METTL15: variants seen among roughly 807,000 people sequenced by gnomAD.
METTL15 encodes the protein methyltransferase 15, mitochondrial 12S rRNA N4-cytidine, also known as 12S rRNA N(4)-cytidine methyltransferase METTL15.
METTL15 carries 34 observed loss-of-function variants against 38.3 expected under a neutral mutation model. The observed-to-expected ratio is 0.89, with a 90% CI of 0.68 to 1.18. The LOEUF is 1.18. Ranked by LOEUF, METTL15 falls within the 50% of genes most tolerant of loss-of-function variation. The pLI is 0.00. For missense variants in METTL15, 438 were observed against 498.4 expected, an observed-to-expected ratio of 0.88 and a Z score of 1.15; for synonymous variants, 162 against 170.9, an observed-to-expected ratio of 0.95 and a Z score of 0.41.
chr11:28,129,472 C>A (rs529450474), intron 3 of METTL15, among the ~76,000 whole-genome samples: 1 of 151,362 alleles, frequency 6.6e-6, no homozygotes, highest in African/African-American at 2.4e-5. Context: ...TGCAGTGGCA[C>A]GATCTTGGCT....
intron 6 of METTL15, among the ~76,000 whole-genome samples, chr11:28,429,464 C>T (rs1179765671): frequency 7.5e-6 from 1 of 133,054 alleles, no homozygotes; most frequent in East Asian, 2.4e-4. Context: ...CTGCAACCTC[C>T]CTGCCTGATT....
At chr11:28,412,119 G>T (rs1439920928) in intron 5 of METTL15, among the ~76,000 whole-genome samples, 1 of 152,008 alleles carries the variant, frequency 6.6e-6, no homozygotes, top group Non-Finnish European at 1.5e-5. Flanking sequence ...TATGGAGAAA[G>T]GGGAACTGTA....
At chr11:28,132,977 G>T (rs1849388480) in intron 3 of METTL15, among the ~76,000 whole-genome samples, 2 of 152,044 alleles carry the variant, frequency 1.3e-5, no homozygotes, top group African/African-American at 4.8e-5. Flanking sequence ...AAACATATTA[G>T]AATTATGATG....
intron 6 of METTL15, among the ~76,000 whole-genome samples, chr11:28,501,663 T>G (rs1434118742): frequency 6.6e-6 from 1 of 152,162 alleles, no homozygotes. Flanking sequence ...TTTTGCCAGC[T>G]GCAAACTTCA....
intron 4 of METTL15, among the ~76,000 whole-genome samples, chr11:28,265,906 C>T (rs1292515427): frequency 6.6e-6 from 1 of 152,208 alleles, no homozygotes; most frequent in Non-Finnish European, 1.5e-5. Flanking sequence ...TGGTGTGCTG[C>T]ACCCATCAAC....
intron 4 of METTL15, among the ~76,000 whole-genome samples, chr11:28,229,909 C>A (rs988226580): frequency 4.6e-5 from 7 of 151,988 alleles, no homozygotes; most frequent in African/African-American, 1.7e-4. Flanking sequence ...ATAAAAATAA[C>A]TAATATCATA....
At chr11:28,246,886 A>T (rs1353081906) in intron 4 of METTL15, among the ~76,000 whole-genome samples, 1 of 152,146 alleles carries the variant, frequency 6.6e-6, no homozygotes. Context: ...GAGGAACTAA[A>T]TTCTAAATTT....
At chr11:28,407,078 C>A (rs545804257) in intron 5 of METTL15, among the ~76,000 whole-genome samples, 3 of 152,134 alleles carry the variant, frequency 2.0e-5, no homozygotes, top group African/African-American at 7.2e-5. Context: ...CTTCTGGATT[C>A]GGTTTGCCAG....
chr11:28,458,140 T>G (rs933423632), intron 6 of METTL15, among the ~76,000 whole-genome samples: 4 of 152,194 alleles, frequency 2.6e-5, no homozygotes, highest in Non-Finnish European at 4.4e-5. Context: ...CTGGTAGCCT[T>G]TGCAGAAAAT....
At chr11:28,387,973 G>GA (rs1192444950) in intron 5 of METTL15, among the ~76,000 whole-genome samples, 3 of 152,080 alleles carry the variant, frequency 2.0e-5, no homozygotes, top group African/African-American at 7.2e-5. Flanking sequence ...AATTAATGCA[G>GA]AAAAAGTATT....
intron 4 of METTL15, among the ~76,000 whole-genome samples, chr11:28,262,515 A>T (rs1305572240): frequency 6.6e-6 from 1 of 152,038 alleles, no homozygotes; most frequent in Non-Finnish European, 1.5e-5. Flanking sequence ...GAAAGATGGC[A>T]TAATTACTTC....
intron 5 of METTL15, among the ~76,000 whole-genome samples, chr11:28,406,859 A>T (rs1039637635): frequency 6.6e-6 from 1 of 152,180 alleles, no homozygotes; most frequent in African/African-American, 2.4e-5. Context: ...GGTATGTCCC[A>T]TCAATACCTA....
At chr11:28,376,108 A>G (rs1850308287) in intron 5 of METTL15, among the ~76,000 whole-genome samples, 1 of 151,738 alleles carries the variant, frequency 6.6e-6, no homozygotes, top group African/African-American at 2.4e-5. Flanking sequence ...ATTTTGGAAT[A>G]GGTGTGGTGT....
At chr11:28,507,098 C>T (rs1337632664) in intron 6 of METTL15, among the ~76,000 whole-genome samples, 4 of 152,120 alleles carry the variant, frequency 2.6e-5, no homozygotes, top group Admixed American at 2.6e-4. Context: ...AGTCAGCACA[C>T]GCATTGCTGA....
At chr11:28,111,074 C>T (rs1851697563) in intron 2 of METTL15, among the ~76,000 whole-genome samples, 1 of 152,142 alleles carries the variant, frequency 6.6e-6, no homozygotes, top group Non-Finnish European at 1.5e-5. Flanking sequence ...CCCCAGCTTC[C>T]ATTTTTTTAG....
intron 6 of METTL15, among the ~76,000 whole-genome samples, chr11:28,500,023 G>A (rs1455391690): frequency 2.6e-5 from 3 of 117,138 alleles, no homozygotes; most frequent in Non-Finnish European, 5.3e-5. Flanking sequence ...TTTTTTTTTT[G>A]TCTGTGGCAA....
chr11:28,521,711 G>T (rs1370245919), intron 6 of METTL15, among the ~76,000 whole-genome samples: 2 of 151,976 alleles, frequency 1.3e-5, no homozygotes, highest in Non-Finnish European at 2.9e-5. Context: ...AGCAGAGTAG[G>T]GTCAGGGTAT....
At chr11:28,254,934 C>T (rs891620313) in intron 4 of METTL15, among the ~76,000 whole-genome samples, 1 of 151,970 alleles carries the variant, frequency 6.6e-6, no homozygotes, top group African/African-American at 2.4e-5. Context: ...CTCAGGATAG[C>T]CTTGGCTATT....
Position 28,330,444 on chromosome 11 carries a change from G to A in METTL15, c.827G>A (p.Arg276Gln). The A allele has an allele frequency of 3.2e-6, 5 of 1,551,348 alleles. No homozygotes were observed. Among genetic ancestry groups the A allele is most frequent in the Non-Finnish European group, 4.4e-6 (5 of 1,146,892 alleles). Residue 276 changes from arginine (R) to glutamine (Q), a missense_variant, in exon 7 of 7, where the codon CGA becomes CAA. Arg to Gln is a conservative substitution (Grantham distance 43). Coordinates refer to ENST00000407364, the MANE Select transcript of METTL15 (RefSeq NM_001113528.2). ...AIYTRKDLLQRSTHIATKTFQ... is the reference protein window; with the variant it reads ...AIYTRKDLLQQSTHIATKTFQ... Reference sequence around the variant, plus strand: ...TATACACGGAAAGACTTACTACAGCGATCTACCCATATTGCCACCAAGACT... The same window carrying A: ...TATACACGGAAAGACTTACTACAGCAATCTACCCATATTGCCACCAAGACT...
Sources: allele counts gnomAD v4.1 joint callset (sites outside exome capture counted in the v4.1 genomes callset), GRCh38; gene constraint gnomAD v4.1.1; transcripts MANE v1.5; gene names NCBI Gene and HGNC (gene_info 2026-07-23, HGNC 2026-07-21).